Variants in C1orf141 observed in about 807,000 individuals in gnomAD.
The protein encoded by C1orf141 is uncharacterized protein C1orf141.
A neutral mutation model predicts 23.2 loss-of-function variants in C1orf141; 19 were observed. The observed-to-expected ratio is 0.82, with a 90% confidence interval of 0.57 to 1.20. C1orf141 has a LOEUF of 1.20. C1orf141 is among the 50% of genes most tolerant of loss of function. The pLI is 0.00. For missense variants in C1orf141, 469 were observed against 455.1 expected (o/e 1.03, Z -0.28); for synonymous variants, 153 against 154.6 (o/e 0.99, Z 0.08).
intron 7 of C1orf141, 55 bp downstream of exon 7, chr1:67,095,180 C>A: frequency 1.9e-6 from 2 of 1,032,982 alleles, no homozygotes; most frequent in Non-Finnish European, 2.8e-6. Context: ...TGGGTGATTC[C>A]CATAAGTCTT....
intron 2 of C1orf141, among the ~76,000 whole-genome samples, chr1:67,129,103 C>CA (rs1166034834): frequency 6.6e-6 from 1 of 152,110 alleles, no homozygotes; most frequent in East Asian, 1.9e-4. Context: ...TGCCCTCTAT[C>CA]ACGTCACTAC....
chr1:67,107,720 C>G (rs1030320537), intron 5 of C1orf141, among the ~76,000 whole-genome samples: 1 of 152,138 alleles, frequency 6.6e-6, no homozygotes, highest in Non-Finnish European at 1.5e-5. Flanking sequence ...GAAACCCTGT[C>G]TCTACTAAAA....
chr1:67,105,163 C>G (rs1645893303), intron 5 of C1orf141, among the ~76,000 whole-genome samples: 1 of 151,754 alleles, frequency 6.6e-6, no homozygotes, highest in Admixed American at 6.6e-5. Context: ...CCCGTCTCTA[C>G]TAAAAATCCA....
chr1:67,141,214 C>T (rs1167394823), intron 1 of C1orf141, among the ~76,000 whole-genome samples: 1 of 152,034 alleles, frequency 6.6e-6, no homozygotes, highest in Non-Finnish European at 1.5e-5. Context: ...ATAAAACATC[C>T]TCAAAAGATA....
intron 4 of C1orf141, among the ~76,000 whole-genome samples, chr1:67,118,301 A>C (rs1297543232): frequency 6.6e-6 from 1 of 152,208 alleles, no homozygotes; most frequent in East Asian, 1.9e-4. Context: ...GGGGGAAAAA[A>C]GAAAAATATC....
rs753677028 is a variant in C1orf141, at chr1:67,127,227, AT to A, written c.13del (p.Ile5SerfsTer2). On this transcript the variant is annotated frameshift_variant, in exon 3 of 8. Coordinates refer to ENST00000684719, the MANE Select transcript of C1orf141 (RefSeq NM_001276351.2). LOFTEE classifies it high-confidence loss of function. ...ATCAAGGACATCCAACTTCTCTAGG[AT>A]TTTTTCTGCCATTGTCAATCACTAA... The part of the protein sequence containing the change: MAEK[I>X]LEKLDVLDKQ... 37 of 1,605,484 alleles carry A rather than the reference AT, an allele frequency of 2.3e-5. No homozygotes were observed. The Middle Eastern group carries it at 1.3e-3, about 57-fold the overall frequency.
At chr1:67,103,099 A>G in intron 5 of C1orf141, 1 of 474,406 alleles carries the variant, frequency 2.1e-6, no homozygotes, top group Non-Finnish European at 3.7e-6. Context: ...GAGTAAGAAA[A>G]GAAGGCTGGA....
intron 4 of C1orf141, chr1:67,122,600 T>C (rs990506767): frequency 6.6e-6 from 1 of 152,224 alleles, no homozygotes; most frequent in Non-Finnish European, 1.5e-5. Context: ...AAGAATTCTT[T>C]GACTGCTTCC....
At chr1:67,121,974 T>C (rs1320363300) in intron 4 of C1orf141, 2 of 152,196 alleles carry the variant, frequency 1.3e-5, no homozygotes, top group Non-Finnish European at 2.9e-5. Context: ...AAATACTAAG[T>C]TGGACAGACT....
chr1:67,108,791 AATAG>A (rs1484590955), intron 5 of C1orf141, among the ~76,000 whole-genome samples: 1 of 152,194 alleles, frequency 6.6e-6, no homozygotes, highest in African/African-American at 2.4e-5. Context: ...AAAGGATATG[AATAG>A]ATAATTTTCA....
rs901903013 is a variant in C1orf141 at position 67,093,373 on chromosome 1, C to G, written c.835G>C (p.Asp279His). The change falls in exon 8 of 8, where the codon GAT (aspartate) becomes CAT (histidine). Residue 279 changes from aspartate (D) to histidine (H), a missense_variant. Asp to His is a moderately conservative substitution (Grantham distance 81). Coordinates refer to ENST00000684719, the MANE Select transcript of C1orf141 (RefSeq NM_001276351.2). ...QKTMPTVQRKDIQIPMSFKAG... is the reference protein window; with the variant it reads ...QKTMPTVQRKHIQIPMSFKAG... ...TTAAAAGACATAGGGATCTGTATAT[C>G]TTTTCTCTGTACTGTAGGCATAGTT... 4 of 1,613,840 alleles carry G rather than the reference C, an allele frequency of 2.5e-6. No individual in the cohort carries two copies. The highest frequency in any genetic ancestry group is 1.7e-5 in the Admixed American group (1 of 60,002).
At chr1:67,098,729 T>G (rs894411398) in intron 5 of C1orf141, among the ~76,000 whole-genome samples, 3 of 152,078 alleles carry the variant, frequency 2.0e-5, no homozygotes, top group African/African-American at 7.2e-5. Context: ...ACATCTTAGA[T>G]TTGATGAAAT....
intron 1 of C1orf141, among the ~76,000 whole-genome samples, chr1:67,134,024 G>T (rs1646556347): frequency 6.6e-6 from 1 of 151,954 alleles, no homozygotes; most frequent in Non-Finnish European, 1.5e-5. Flanking sequence ...TTTTTGAGAC[G>T]GTCTCACTGA....
At chr1:67,136,276 A>G (rs550351016), upstream of C1orf141, among the ~76,000 whole-genome samples, 218 of 152,272 alleles carry the variant, frequency 1.4e-3, no homozygotes, top group African/African-American at 5.0e-3. Flanking sequence ...TCTGGTCTCA[A>G]GTGATCCTCT....
intron 5 of C1orf141, among the ~76,000 whole-genome samples, chr1:67,115,043 C>T (rs1001874625): frequency 1.3e-5 from 2 of 152,174 alleles, no homozygotes; most frequent in African/African-American, 4.8e-5. Flanking sequence ...TACTTGACTT[C>T]TAAAAAACAA....
At chr1:67,110,754 T>C (rs1487193145) in intron 5 of C1orf141, among the ~76,000 whole-genome samples, 2 of 151,822 alleles carry the variant, frequency 1.3e-5, no homozygotes, top group African/African-American at 2.4e-5. Flanking sequence ...GGGACTTTTA[T>C]TAACCATGAA....
intron 4 of C1orf141, among the ~76,000 whole-genome samples, chr1:67,118,318 G>T (rs1300276502): frequency 2.6e-5 from 4 of 152,162 alleles, no homozygotes; most frequent in African/African-American, 9.7e-5. Flanking sequence ...TATCAGAATT[G>T]TGAGTCATTG....
chr1:67,130,216 A>T (rs1377767529), intron 2 of C1orf141, among the ~76,000 whole-genome samples: 4 of 152,340 alleles, frequency 2.6e-5, no homozygotes, highest in African/African-American at 9.6e-5. Context: ...TAAACATAAT[A>T]TGAGTTCAAG....
chr1:67,121,624 T>G (rs949564790), intron 4 of C1orf141: 1 of 152,202 alleles, frequency 6.6e-6, no homozygotes. Context: ...AGTATTATCT[T>G]TATTTTTGGT....
Sources: gnomAD v4.1 joint callset for allele counts (sites outside exome capture counted in the v4.1 genomes callset) on GRCh38, gnomAD v4.1.1 for gene constraint, MANE v1.5 for transcripts, NCBI Gene and HGNC (gene_info 2026-07-23, HGNC 2026-07-21) for gene names.